Variants in FBLN5 observed in about 807,000 individuals in gnomAD.
The protein encoded by FBLN5 is fibulin-5.
In FBLN5, 24 loss-of-function variants were observed where a neutral mutation model predicts 61.6. The observed-to-expected ratio is 0.39, with a 90% CI of 0.28 to 0.55. The LOEUF (loss-of-function observed/expected upper bound fraction) is 0.55. Among genes scored for constraint, FBLN5 ranks in the 20% least tolerant of loss-of-function variants. The probability of loss-of-function intolerance (pLI) is 0.65; values close to 1 mark genes in which losing one functional copy is unlikely to be tolerated. For missense variants in FBLN5, 470 were observed against 594.1 expected, an observed-to-expected ratio of 0.79 and a Z score of 2.17; for synonymous variants, 213 against 219.8, an observed-to-expected ratio of 0.97 and a Z score of 0.27.
In FBLN5 at chr14:91,870,140, C is replaced by T. The variant is rs1432279217; in HGVS notation, c.*84G>A. On this transcript the variant is annotated 3_prime_UTR_variant, in exon 11 of 11. Coordinates refer to ENST00000342058, the MANE Select transcript of FBLN5 (RefSeq NM_006329.4). ...AGCAGGAAATGCCTAACGTCTGTGT[C>T]GCTCTCATTCTCTCTGTTATTTCCT... The T allele has an allele frequency of 1.2e-5, 16 of 1,385,184 alleles. No individual in the cohort carries two copies. The highest frequency in any genetic ancestry group is 6.9e-5 in the East Asian group (3 of 43,794). The allele number at this position is 1,385,184 out of a possible 1,614,324, so 85.8% of individuals were successfully genotyped here.
At chr14:91,887,159 A>G (rs1889761889) in intron 7 of FBLN5, 34 bp downstream of exon 7, 1 of 1,612,674 alleles carries the variant, frequency 6.2e-7, no homozygotes, top group Non-Finnish European at 8.5e-7. Context: ...GGCCCCAAGT[A>G]CAGGTGGAAG....
intron 2 of FBLN5, among the ~76,000 whole-genome samples, chr14:91,941,437 C>T (rs2056102417): frequency 6.6e-6 from 1 of 152,102 alleles, no homozygotes; most frequent in Non-Finnish European, 1.5e-5. Context: ...CAGGAAGACC[C>T]CAGGGCCTGA....
At chr14:91,929,520 T>C (rs2055889066) in intron 4 of FBLN5, among the ~76,000 whole-genome samples, 1 of 152,200 alleles carries the variant, frequency 6.6e-6, no homozygotes, top group Non-Finnish European at 1.5e-5. Flanking sequence ...GTCACACAGC[T>C]AATAAGTAGC....
chr14:91,908,173 C>T (rs909099524), intron 4 of FBLN5, among the ~76,000 whole-genome samples: 1 of 152,182 alleles, frequency 6.6e-6, no homozygotes, highest in African/African-American at 2.4e-5. Flanking sequence ...ACTCCTCTGC[C>T]ACAGACTTCC....
chr14:91,890,060 G>A lies in FBLN5; in HGVS notation c.619+1161C>T, dbSNP rs145364119. On this transcript the variant is annotated intron_variant, in intron 6 of 10. Coordinates refer to ENST00000342058, the MANE Select transcript of FBLN5 (RefSeq NM_006329.4). ...GCGCCCCCTCCTGCTCCAGTGGGAA[G>A]GAAGGGCCCTTGTTTATCCGCTTCC... Among the ~76,000 whole-genome samples, 1,302 of 152,318 alleles carry A rather than the reference G, an allele frequency of 8.5e-3. 11 individuals carry two copies. Among genetic ancestry groups the A allele is most frequent in the African/African-American group, 0.029 (1,216 of 41,576 alleles).
Position 91,882,975 on chromosome 14 carries a change from C to T in FBLN5, c.841G>A (p.Asp281Asn). 6.2e-7 allele frequency: 1 copy of T among 1,614,060 alleles called. No individual in the cohort carries two copies. The highest frequency in any genetic ancestry group is 1.1e-5 in the South Asian group (1 of 91,070). Reference protein sequence around the residue: ...CSCPPGYILLDDNRSCQDINE... With the variant: ...CSCPPGYILLNDNRSCQDINE... ...TTACCTTGGCAGCTTCGGTTGTCATCCAGCAGGATGTAGCCTGGAGGGCAG... is the reference window on the plus strand; with the variant it reads ...TTACCTTGGCAGCTTCGGTTGTCATTCAGCAGGATGTAGCCTGGAGGGCAG... Residue 281 changes from aspartate (D) to asparagine (N), a missense_variant, in exon 8 of 11, where the codon GAT becomes AAT. Asp to Asn is a conservative substitution (Grantham distance 23, BLOSUM62 1). Transcript: ENST00000342058. This position sits in a 1 kb window ranked among gnomAD's most constrained non-coding sequence, Gnocchi z 4.9.
At chr14:91,928,550 T>A (rs957820618) in intron 4 of FBLN5, among the ~76,000 whole-genome samples, 1 of 151,730 alleles carries the variant, frequency 6.6e-6, no homozygotes, top group Non-Finnish European at 1.5e-5. Flanking sequence ...GGAAGGAGGA[T>A]CGCTTGAGCC....
chr14:91,908,946 T>C (rs184365280), intron 4 of FBLN5, among the ~76,000 whole-genome samples: 12 of 151,516 alleles, frequency 7.9e-5, no homozygotes, highest in African/African-American at 2.9e-4. Flanking sequence ...TGAGATGGAG[T>C]CTCACTCGTC....
intron 5 of FBLN5, 101 bp from the exon 6 acceptor site, chr14:91,891,438 AAC>A: frequency 2.4e-6 from 2 of 819,052 alleles, no homozygotes; most frequent in Non-Finnish European, 4.3e-6. Context: ...CAGGATCATG[AAC>A]GGAAGCAAAT....
chr14:91,883,920 T>C (rs1889604680), intron 7 of FBLN5, among the ~76,000 whole-genome samples: 1 of 152,182 alleles, frequency 6.6e-6, no homozygotes, highest in African/African-American at 2.4e-5. Context: ...AAAAGCCAAC[T>C]CTTCATCACA....
intron 10 of FBLN5, among the ~76,000 whole-genome samples, chr14:91,875,983 T>C (rs1276662740): frequency 6.6e-6 from 1 of 152,264 alleles, no homozygotes; most frequent in Non-Finnish European, 1.5e-5. Context: ...AGTCATTGAC[T>C]GTTTCACCCC....
At chr14:91,944,272 C>T (rs570702465) in intron 1 of FBLN5, among the ~76,000 whole-genome samples, 1 of 152,302 alleles carries the variant, frequency 6.6e-6, no homozygotes, top group African/African-American at 2.4e-5. Flanking sequence ...ATCTCTACTA[C>T]TTCACACTCA....
intron 10 of FBLN5, among the ~76,000 whole-genome samples, chr14:91,876,187 G>A (rs918479528): frequency 3.3e-5 from 5 of 152,156 alleles, no homozygotes; most frequent in African/African-American, 9.7e-5. Flanking sequence ...GTGGTTTCCC[G>A]GGGAGGGTCC....
intron 4 of FBLN5, among the ~76,000 whole-genome samples, chr14:91,919,162 C>T (rs1190649163): frequency 1.3e-5 from 2 of 151,810 alleles, no homozygotes; most frequent in Non-Finnish European, 2.9e-5. Context: ...GAAACCCTGC[C>T]TCTAGTAAAA....
chr14:91,887,414 AC>A, intron 6 of FBLN5, 102 bp from the exon 7 acceptor site: 1 of 1,204,532 alleles, frequency 8.3e-7, no homozygotes, highest in Non-Finnish European at 1.2e-6. Flanking sequence ...CCACCAGGAG[AC>A]CAGAGTCCCA....
intron 4 of FBLN5, among the ~76,000 whole-genome samples, chr14:91,909,271 C>T (rs7157817): frequency 0.55 from 84,023 of 151,854 alleles, 24,339 homozygotes; most frequent in Non-Finnish European, 0.61. Flanking sequence ...TGTTCACACC[C>T]ACAGAAACAC....
intron 3 of FBLN5, 98 bp from the exon 4 acceptor site, chr14:91,937,299 C>G: frequency 6.6e-7 from 1 of 1,514,344 alleles, no homozygotes; most frequent in East Asian, 2.3e-5. Flanking sequence ...GGAGGAAGCA[C>G]TCCCAAACAC....
At chr14:91,923,004 A>C (rs78115953) in intron 4 of FBLN5, among the ~76,000 whole-genome samples, 1 of 152,182 alleles carries the variant, frequency 6.6e-6, no homozygotes, top group South Asian at 2.1e-4. Flanking sequence ...CTTAGACTAC[A>C]TGCAAAATCA....
chr14:91,877,511 A>C lies in FBLN5; in HGVS notation c.1161T>G (p.Asn387Lys), dbSNP rs142366859. The C allele has an allele frequency of 6.2e-7, 1 of 1,613,906 alleles. No individual in the cohort carries two copies. Among genetic ancestry groups the C allele is most frequent in the Non-Finnish European group, 8.5e-7 (1 of 1,179,950 alleles). Residue 387 changes from asparagine (N) to lysine (K), a missense_variant, in exon 10 of 11, where the codon AAT becomes AAG. Transcript: ENST00000342058. ...AYYIFQIKSG[N>K]EGREFYMRQT... The stretch of plus-strand genomic sequence containing the variant: ...CCCGCATGTAAAATTCTCTGCCCTC[A>C]TTCCCAGATTTGATCTGGAAAATGT...
Sources: gnomAD v4.1 joint callset for allele counts (sites outside exome capture counted in the v4.1 genomes callset) on GRCh38, gnomAD v4.1.1 for gene constraint, Gnocchi (gnomAD v3.1) non-coding constraint, MANE v1.5 for transcripts, NCBI Gene and HGNC (gene_info 2026-07-23, HGNC 2026-07-21) for gene names.